The following PCDHA1 variants were observed in gnomAD, a reference collection of about 807,000 sequenced individuals.
PCDHA1 encodes the protein protocadherin alpha 1, also known as protocadherin alpha-1.
PCDHA1 carries 42 observed loss-of-function variants against 61.3 expected under a neutral mutation model. The ratio of observed to expected loss-of-function variants is 0.69; its 90% CI spans 0.54 to 0.89. The LOEUF (loss-of-function observed/expected upper bound fraction) is 0.89. Ranked by LOEUF, PCDHA1 falls within the 40% of genes least tolerant of loss-of-function variation. PCDHA1 has a pLI of 0.00. For missense variants in PCDHA1, 1,256 were observed against 1,235.3 expected, an observed-to-expected ratio of 1.02 and a Z score of -0.25; for synonymous variants, 610 against 553.8, an observed-to-expected ratio of 1.10 and a Z score of -1.43.
rs781990926 is a variant in PCDHA1, at chr5:140,809,277, A to G, written c.2394+20593A>G. 3.7e-6 allele frequency: 6 copies of G among 1,614,112 alleles called. No individual in the cohort carries two copies. The East Asian group carries it at 6.7e-5, about 18-fold the overall frequency. On this transcript the variant is annotated intron_variant, in intron 1 of 3. Transcript: ENST00000504120. Reference sequence around the variant, plus strand: ...CCCGATGCTGCGCTGGTGGATGTCAACGTATACCTGATCATTGCCATCTGC... The same window carrying G: ...CCCGATGCTGCGCTGGTGGATGTCAGCGTATACCTGATCATTGCCATCTGC...
chr5:140,877,184 G>C (rs1554169429), intron 1 of PCDHA1: 1 of 1,613,842 alleles, frequency 6.2e-7, no homozygotes. Context: ...ACTCCGGCTG[G>C]CAGCGCAGGA....
intron 1 of PCDHA1, chr5:140,966,755 C>T (rs1554228616): frequency 7.0e-7 from 1 of 1,434,520 alleles, no homozygotes; most frequent in Admixed American, 2.7e-5. Context: ...GCCTCCGCCG[C>T]GGCCAGTGGC....
At chr5:140,805,331 C>T in intron 1 of PCDHA1, 1 of 1,238,568 alleles carries the variant, frequency 8.1e-7, no homozygotes, top group Non-Finnish European at 1.0e-6. Flanking sequence ...TGCTTGATGT[C>T]AATGATCATT....
rs1765206283 is a variant in PCDHA1 at position 140,812,969 on chromosome 5, A to AT, written c.2394+24288dup. 2.0e-5 allele frequency: 3 copies of AT among 152,158 alleles called. No individual in the cohort carries two copies. The South Asian group carries it at 6.2e-4, about 32-fold the overall frequency. The allele number at this position is 152,158 out of a possible 1,614,324, so 9.4% of individuals were successfully genotyped here. A position where few individuals can be genotyped will look rare whatever the true frequency, so the allele number is the denominator to read the frequency against. ...TTTTCCAGTTTTAATTCCAGTATTG[A>AT]TTTCTAGTTTTATTCCACTGTGGTC... On this transcript the variant is annotated intron_variant, in intron 1 of 3. Coordinates refer to ENST00000504120, the MANE Select transcript of PCDHA1 (RefSeq NM_018900.4).
At chr5:140,907,092 G>C (rs1381969899) in intron 1 of PCDHA1, among the ~76,000 whole-genome samples, 4 of 152,262 alleles carry the variant, frequency 2.6e-5, no homozygotes, top group African/African-American at 9.6e-5. Context: ...GGTAAGTGGT[G>C]CCACTTCCAC....
chr5:140,913,756 A>G (rs1184722554), intron 1 of PCDHA1, among the ~76,000 whole-genome samples: 1 of 152,072 alleles, frequency 6.6e-6, no homozygotes, highest in African/African-American at 2.4e-5. Context: ...GTTGTATCTC[A>G]TAGGTTTTGG....
chr5:140,863,664 A>ATTTTGC (rs1331349828), intron 1 of PCDHA1: 1 of 285,864 alleles, frequency 3.5e-6, no homozygotes, highest in Non-Finnish European at 6.9e-6. Flanking sequence ...TGCTTTATTT[A>ATTTTGC]TTTTGCTTTT....
At chr5:140,952,513 A>T (rs533436826) in intron 1 of PCDHA1, among the ~76,000 whole-genome samples, 7 of 152,028 alleles carry the variant, frequency 4.6e-5, no homozygotes, top group Non-Finnish European at 8.8e-5. Context: ...CCTCATCTCC[A>T]TCTGAGACCT....
At chr5:140,798,869 T>C (rs532662629) in intron 1 of PCDHA1, among the ~76,000 whole-genome samples, 2 of 152,320 alleles carry the variant, frequency 1.3e-5, no homozygotes, top group Non-Finnish European at 2.9e-5. Flanking sequence ...CTCTACTATT[T>C]AGTTCTTAGT....
chr5:140,803,374 C>T (rs2149969704), intron 1 of PCDHA1: 4 of 1,614,184 alleles, frequency 2.5e-6, no homozygotes, highest in Non-Finnish European at 3.4e-6. Flanking sequence ...TGCTCCGCGC[C>T]GCCAACCGAA....
At chr5:140,915,445 G>C (rs2077121673) in intron 1 of PCDHA1, among the ~76,000 whole-genome samples, 1 of 152,024 alleles carries the variant, frequency 6.6e-6, no homozygotes, top group Non-Finnish European at 1.5e-5. Context: ...TTCTTGAGAA[G>C]GTTTTCCAGA....
intron 1 of PCDHA1, among the ~76,000 whole-genome samples, chr5:140,955,475 C>T (rs246017): frequency 0.56 from 85,566 of 151,816 alleles, 24,719 homozygotes; most frequent in African/African-American, 0.69. Context: ...TGCTTGGCAC[C>T]TCTCCTTCCT....
chr5:140,899,904 C>A (rs1554188779), intron 1 of PCDHA1, among the ~76,000 whole-genome samples: 1 of 151,986 alleles, frequency 6.6e-6, no homozygotes, highest in African/African-American at 2.4e-5. Flanking sequence ...ACATCCTGGG[C>A]TCAAGCAATC....
intron 1 of PCDHA1, among the ~76,000 whole-genome samples, chr5:140,831,826 A>G (rs1029398204): frequency 6.6e-6 from 1 of 152,198 alleles, no homozygotes; most frequent in African/African-American, 2.4e-5. Context: ...GATAAACACT[A>G]GTTTCAATGA....
chr5:141,003,352 C>T (rs747533399), intron 3 of PCDHA1, among the ~76,000 whole-genome samples: 38 of 152,318 alleles, frequency 2.5e-4, no homozygotes, highest in Non-Finnish European at 1.5e-4. Context: ...TGCTCTGTCA[C>T]CCAGGCTGGA....
At chr5:140,867,813 C>T (rs1189080463) in intron 1 of PCDHA1, 1 of 152,032 alleles carries the variant, frequency 6.6e-6, no homozygotes, top group Non-Finnish European at 1.5e-5. Context: ...TATGAAATTC[C>T]ATTTCCACAA....
At chr5:140,918,115 A>G (rs185486488) in intron 1 of PCDHA1, among the ~76,000 whole-genome samples, 14 of 152,198 alleles carry the variant, frequency 9.2e-5, no homozygotes, top group African/African-American at 3.1e-4. Flanking sequence ...CACATCCTTG[A>G]TTAGCCATAT....
rs2150147237 is a variant in PCDHA1, at chr5:140,827,344, G to C, written c.2394+38660G>C. Among the ~76,000 whole-genome samples the C allele has an allele frequency of 1.2e-4, 18 of 152,280 alleles. No homozygotes were observed. In the South Asian group the frequency reaches 2.3e-3, roughly 19 times the overall value. ...TAGAATTTGAAGTGGTGAAGTATAT[G>C]AAAAGAAAATATTTTAAGCAAGAAT... On this transcript the variant is annotated intron_variant, in intron 1 of 3. Transcript: ENST00000504120.
chr5:140,879,051 T>A (rs1446827922), intron 1 of PCDHA1, among the ~76,000 whole-genome samples: 1 of 152,166 alleles, frequency 6.6e-6, no homozygotes, highest in Non-Finnish European at 1.5e-5. Flanking sequence ...ATAGACAACA[T>A]TTTACCAAGA....
Sources: gnomAD v4.1 joint callset for allele counts (sites outside exome capture counted in the v4.1 genomes callset) on GRCh38, gnomAD v4.1.1 for gene constraint, MANE v1.5 for transcripts, NCBI Gene and HGNC (gene_info 2026-07-23, HGNC 2026-07-21) for gene names.